CBY2: variants seen among roughly 807,000 people sequenced by gnomAD.
CBY2 encodes the protein protein chibby homolog 2.
Under a neutral mutation model 25.3 loss-of-function variants are expected in CBY2, and 23 were observed. That is an observed-to-expected ratio of 0.91 (90% CI 0.65 to 1.29). The LOEUF is 1.29. Ranked by LOEUF, CBY2 falls within the 50% of genes most tolerant of loss-of-function variation. The probability of loss-of-function intolerance (pLI) is 0.00; values close to 1 mark genes in which losing one functional copy is unlikely to be tolerated. For synonymous variants in CBY2, 279 were observed against 260.2 expected (o/e 1.07, Z -0.70); for missense variants, 642 against 590.7 (o/e 1.09, Z -0.90).
At chr13:45,709,493 T>C (rs746262415) in intron 2 of CBY2, among the ~76,000 whole-genome samples, 6 of 152,128 alleles carry the variant, frequency 3.9e-5, no homozygotes, top group Non-Finnish European at 7.4e-5. Context: ...AAATGAGAAT[T>C]GGGGAAATTT....
At chr13:45,703,542 C>A in intron 2 of CBY2, 1 of 1,550,972 alleles carries the variant, frequency 6.4e-7, no homozygotes, top group Non-Finnish European at 8.7e-7. Flanking sequence ...AAGACCAGGG[C>A]CATGCAACCA....
At chr13:45,703,491 G>A in intron 2 of CBY2, 1 of 1,550,026 alleles carries the variant, frequency 6.5e-7, no homozygotes, top group Non-Finnish European at 8.7e-7. Flanking sequence ...GTCACAAAGG[G>A]GTGGCTTTGC....
chr13:45,713,091 C>T lies in CBY2; in HGVS notation c.157-91C>T. The T allele has an allele frequency of 9.5e-7, 1 of 1,053,420 alleles. No homozygotes were observed. The allele number at this position is 1,053,420 out of a possible 1,614,324, so 65.3% of individuals were successfully genotyped here. A position where few individuals can be genotyped will look rare whatever the true frequency, so the allele number is the denominator to read the frequency against. ...GGCCAGGCCAGACAATCAGACGGGG[C>T]TTATTTGGGGATGTCCTGGCCCCTT... On this transcript the variant is annotated intron_variant, in intron 2 of 2. Coordinates refer to ENST00000310521, the MANE Select transcript of CBY2 (RefSeq NM_152719.3). This position sits in a 1 kb window ranked among gnomAD's most constrained non-coding sequence, Gnocchi z 5.0.
In CBY2 at chr13:45,704,669, G is replaced by A. The variant is rs911047551; in HGVS notation, c.156+1814G>A. On this transcript the variant is annotated intron_variant, in intron 2 of 2. Transcript: ENST00000310521. This position sits in a 1 kb window ranked among gnomAD's most constrained non-coding sequence, Gnocchi z 4.1. ...AGAAATATTGACTGAATGTTGGTGC[G>A]ATCATGTGTCGGGCATGGGGCCAAG... Among the ~76,000 whole-genome samples the A allele has an allele frequency of 2.0e-5, 3 of 152,188 alleles. No homozygotes were observed. The highest frequency in any genetic ancestry group is 1.9e-4 in the East Asian group (1 of 5,186).
intron 2 of CBY2, among the ~76,000 whole-genome samples, chr13:45,708,761 T>C (rs1950253333): frequency 6.6e-6 from 1 of 152,222 alleles, no homozygotes. Context: ...ATATGACTAC[T>C]GAAAAATTTT....
rs946961438 is a variant in CBY2, at chr13:45,704,603, TG to T, written c.156+1750del. On this transcript the variant is annotated intron_variant, in intron 2 of 2. Transcript: ENST00000310521. This position sits in a 1 kb window ranked among gnomAD's most constrained non-coding sequence, Gnocchi z 4.1. ...CTACCTCCCTAAATGAGATGGCACA[TG>T]GCTTAGGGGACAGGGTTGATCTGGG... is the stretch of plus-strand genomic sequence containing the variant. 2.0e-5 allele frequency among the ~76,000 whole-genome samples: 3 copies of T among 152,140 alleles called. No homozygotes were observed. Among genetic ancestry groups the T allele is most frequent in the African/African-American group, 4.8e-5 (2 of 41,426 alleles).
chr13:45,705,853 A>C (rs534982764), intron 2 of CBY2, among the ~76,000 whole-genome samples: 4 of 152,304 alleles, frequency 2.6e-5, no homozygotes, highest in Non-Finnish European at 4.4e-5. Context: ...AGTAACCCTC[A>C]GTAATGTTGG....
At chr13:45,709,816 A>G (rs1950259278) in intron 2 of CBY2, among the ~76,000 whole-genome samples, 1 of 152,188 alleles carries the variant, frequency 6.6e-6, no homozygotes, top group Admixed American at 6.5e-5. Context: ...GAAGGAAAAG[A>G]TATCATGTTC....
chr13:45,706,388 C>G lies in CBY2; in HGVS notation c.156+3533C>G, dbSNP rs531081160. On this transcript the variant is annotated intron_variant, in intron 2 of 2. Coordinates refer to ENST00000310521, the MANE Select transcript of CBY2 (RefSeq NM_152719.3). Reference sequence around the variant, plus strand: ...GAGGGCGATGTTCGTGCCCATGGCCCTTCCTGGATCCCTGTCACTAATGCA... The same window carrying G: ...GAGGGCGATGTTCGTGCCCATGGCCGTTCCTGGATCCCTGTCACTAATGCA... Among the ~76,000 whole-genome samples the G allele has an allele frequency of 6.6e-5, 10 of 152,286 alleles. No homozygotes were observed. In the South Asian group the frequency reaches 2.1e-3, roughly 32 times the overall value.
chr13:45,710,182 C>T (rs902823926), intron 2 of CBY2, among the ~76,000 whole-genome samples: 6 of 152,190 alleles, frequency 3.9e-5, no homozygotes, highest in South Asian at 2.1e-4. Flanking sequence ...GAGTCAAATC[C>T]TGCTGAGATA....
At position 45,714,339 on chromosome 13, in the gene CBY2, G is replaced by A. The variant is rs755418191; in HGVS notation, c.1314G>A (p.Arg438=). ...IEELYAFMPA[R]SQDPKKPSRV ...AGCTCTACGCCTTCATGCCGGCCAG[G>A]AGCCAGGACCCCAAGAAGCCTAGCA... The change falls in exon 3 of 3, where the codon AGG becomes AGA. Residue 438 remains arginine (R), a synonymous_variant. Coordinates refer to ENST00000310521, the MANE Select transcript of CBY2 (RefSeq NM_152719.3). The A allele has an allele frequency of 1.2e-6, 2 of 1,611,026 alleles. No homozygotes were observed. The highest frequency in any genetic ancestry group is 1.1e-5 in the South Asian group (1 of 90,474).
At chr13:45,707,908 A>T (rs1295785129) in intron 2 of CBY2, among the ~76,000 whole-genome samples, 1 of 152,224 alleles carries the variant, frequency 6.6e-6, no homozygotes, top group African/African-American at 2.4e-5. Flanking sequence ...GACACATTAT[A>T]GTCACTCAGT....
In CBY2 at chr13:45,713,693, G is replaced by A; in HGVS notation, c.668G>A (p.Ser223Asn). The A allele has an allele frequency of 6.2e-7, 1 of 1,612,458 alleles. No homozygotes were observed. Among genetic ancestry groups the A allele is most frequent in the Non-Finnish European group, 8.5e-7 (1 of 1,179,968 alleles). ...RAPSPLLHKD[S>N]ASLEVVKKDH... Reference sequence around the variant, plus strand: ...CCCTCGCCACTGCTGCACAAAGACAGCGCGTCCCTGGAGGTGGTGAAGAAG... The same window carrying A: ...CCCTCGCCACTGCTGCACAAAGACAACGCGTCCCTGGAGGTGGTGAAGAAG... The change falls in exon 3 of 3, where the codon AGC (serine) becomes AAC (asparagine). Residue 223 changes from serine to asparagine, a missense_variant. Ser to Asn is a conservative substitution (Grantham distance 46, BLOSUM62 1). Transcript: ENST00000310521. This position sits in a 1 kb window ranked among gnomAD's most constrained non-coding sequence, Gnocchi z 5.0.
rs74612125 is a variant in CBY2 at position 45,709,228 on chromosome 13, C to T, written c.157-3954C>T. 6.2e-3 allele frequency among the ~76,000 whole-genome samples: 944 copies of T among 152,290 alleles called. 9 individuals carry two copies. The highest frequency in any genetic ancestry group is 0.022 in the African/African-American group (904 of 41,548). On this transcript the variant is annotated intron_variant, in intron 2 of 2. Coordinates refer to ENST00000310521, the MANE Select transcript of CBY2 (RefSeq NM_152719.3). ...GTGAATAAAGACCAGGGCACAAACA[C>T]CCAGGTTGTCCGTGGCTAGGGATCC...
chr13:45,703,449 C>A, intron 2 of CBY2: 1 of 1,541,060 alleles, frequency 6.5e-7, no homozygotes, highest in South Asian at 1.2e-5. Context: ...TTAGTGGAGT[C>A]CTCTTGATTG....
chr13:45,707,033 C>A (rs1459624224), intron 2 of CBY2, among the ~76,000 whole-genome samples: 1 of 152,166 alleles, frequency 6.6e-6, no homozygotes, highest in Non-Finnish European at 1.5e-5. Flanking sequence ...ACTTTCTTGT[C>A]CTCTGGCAAC....
At chr13:45,710,600 A>G (rs559069225) in intron 2 of CBY2, among the ~76,000 whole-genome samples, 2 of 152,334 alleles carry the variant, frequency 1.3e-5, no homozygotes, top group South Asian at 2.1e-4. Context: ...CAGTCTTCCC[A>G]GAAATCCTGG....
chr13:45,711,679 G>A (rs1425579234), intron 2 of CBY2, among the ~76,000 whole-genome samples: 1 of 152,112 alleles, frequency 6.6e-6, no homozygotes, highest in East Asian at 1.9e-4. Flanking sequence ...GACTCACAAT[G>A]GGAGGCTCAG....
chr13:45,702,878 G>A (rs1213464122), intron 2 of CBY2, 23 bp downstream of exon 2: 1 of 1,573,444 alleles, frequency 6.4e-7, no homozygotes, highest in Non-Finnish European at 8.7e-7. Context: ...ACAGAAGGAT[G>A]TAACCTATCA....
Sources: gnomAD v4.1 joint callset for allele counts (sites outside exome capture counted in the v4.1 genomes callset) on GRCh38, gnomAD v4.1.1 for gene constraint, Gnocchi (gnomAD v3.1) non-coding constraint, MANE v1.5 for transcripts, NCBI Gene and HGNC (gene_info 2026-07-23, HGNC 2026-07-21) for gene names.